Variants in PLCB1 observed in about 807,000 individuals in gnomAD.
The protein encoded by PLCB1 is phospholipase C beta 1.
PLCB1 carries 46 observed loss-of-function variants against 161.8 expected under a neutral mutation model. The observed-to-expected ratio is 0.28, with a 90% CI of 0.22 to 0.36. PLCB1 has a LOEUF of 0.36. PLCB1 is among the 10% of genes least tolerant of loss of function. The pLI is 1.00. For synonymous variants in PLCB1, 517 were observed against 503.7 expected, an observed-to-expected ratio of 1.03 and a Z score of -0.35; for missense variants, 1,016 against 1,472.5, an observed-to-expected ratio of 0.69 and a Z score of 5.07.
At chr20:8,792,156 CAAAGG>C (rs753677916) in intron 31 of PLCB1, 14 of 163,212 alleles carry the variant, frequency 8.6e-5, no homozygotes, top group Non-Finnish European at 1.6e-4. Flanking sequence ...TGAAACCACT[CAAAGG>C]ACGTGCAGCA....
chr20:8,635,939 A>G (rs192455926), intron 4 of PLCB1, among the ~76,000 whole-genome samples: 105 of 152,328 alleles, frequency 6.9e-4, no homozygotes, highest in African/African-American at 2.4e-3. Context: ...TTCTGGGAAC[A>G]TATGCATTGA....
intron 2 of PLCB1, among the ~76,000 whole-genome samples, chr20:8,350,411 G>A (rs893354231): frequency 6.6e-6 from 1 of 152,158 alleles, no homozygotes; most frequent in African/African-American, 2.4e-5. Flanking sequence ...TCCCTGTAAA[G>A]GACATGATCT....
At chr20:8,509,552 G>C (rs1216226979) in intron 3 of PLCB1, among the ~76,000 whole-genome samples, 1 of 152,178 alleles carries the variant, frequency 6.6e-6, no homozygotes, top group East Asian at 1.9e-4. Flanking sequence ...GGTAAAGAGA[G>C]AGTGGATATT....
intron 3 of PLCB1, among the ~76,000 whole-genome samples, chr20:8,439,813 A>G (rs965908993): frequency 1.3e-5 from 2 of 151,672 alleles, no homozygotes; most frequent in African/African-American, 4.9e-5. Context: ...TTTTATAGGC[A>G]TAGAAAATGC....
intron 3 of PLCB1, among the ~76,000 whole-genome samples, chr20:8,383,777 T>A (rs929050455): frequency 9.2e-5 from 14 of 152,240 alleles, no homozygotes; most frequent in African/African-American, 3.1e-4. Flanking sequence ...CCTTCGCTTA[T>A]GAAGCTTAGT....
At chr20:8,182,717 A>T (rs1339511061) in intron 2 of PLCB1, among the ~76,000 whole-genome samples, 1 of 151,292 alleles carries the variant, frequency 6.6e-6, no homozygotes, top group African/African-American at 2.4e-5. Flanking sequence ...TGTAGCTGGG[A>T]TTACAGGCGC....
At chr20:8,319,272 T>C (rs1984795433) in intron 2 of PLCB1, among the ~76,000 whole-genome samples, 2 of 152,124 alleles carry the variant, frequency 1.3e-5, no homozygotes, top group African/African-American at 4.8e-5. Context: ...AGCTCATGTA[T>C]CTGTAGGTTG....
At chr20:8,710,169 G>A (rs539582023) in intron 12 of PLCB1, among the ~76,000 whole-genome samples, 9 of 97,414 alleles carry the variant, frequency 9.2e-5, no homozygotes, top group African/African-American at 3.5e-4. Context: ...ATCTGCTCCT[G>A]GGGAGTCCTC....
intron 23 of PLCB1, among the ~76,000 whole-genome samples, chr20:8,745,293 A>T (rs956870252): frequency 2.6e-5 from 4 of 152,166 alleles, no homozygotes; most frequent in African/African-American, 9.7e-5. Flanking sequence ...ATGCCACTGA[A>T]AATAAGTAAC....
At chr20:8,171,457 G>T (rs1673420690) in intron 2 of PLCB1, among the ~76,000 whole-genome samples, 1 of 152,030 alleles carries the variant, frequency 6.6e-6, no homozygotes, top group Non-Finnish European at 1.5e-5. Flanking sequence ...TTCTTTTGTA[G>T]TAGAGGATGG....
At chr20:8,403,755 T>C (rs7270769) in intron 3 of PLCB1, among the ~76,000 whole-genome samples, 2,747 of 152,244 alleles carry the variant, frequency 0.018, 92 homozygotes, top group African/African-American at 0.063. Flanking sequence ...GAAATGGCCA[T>C]TGCATTCCTC....
chr20:8,346,993 T>A (rs1600332575), intron 2 of PLCB1, among the ~76,000 whole-genome samples: 1 of 152,124 alleles, frequency 6.6e-6, no homozygotes, highest in African/African-American at 2.4e-5. Flanking sequence ...TTAAAGCATT[T>A]ATGGAGTGGA....
intron 1 of PLCB1, among the ~76,000 whole-genome samples, chr20:8,145,706 C>A (rs2123023646): frequency 6.6e-6 from 1 of 152,248 alleles, no homozygotes; most frequent in East Asian, 1.9e-4. Context: ...TTTGGAGTTG[C>A]CCTGCCTAAC....
chr20:8,655,313 C>T (rs146383760), intron 7 of PLCB1, among the ~76,000 whole-genome samples: 3 of 152,210 alleles, frequency 2.0e-5, no homozygotes, highest in African/African-American at 7.2e-5. Context: ...TAAATTACAT[C>T]CATTCATTTA....
At chr20:8,618,308 A>C (rs779518411) in intron 3 of PLCB1, among the ~76,000 whole-genome samples, 6 of 152,174 alleles carry the variant, frequency 3.9e-5, no homozygotes, top group Non-Finnish European at 7.4e-5. Context: ...GCTTTTTTGT[A>C]AAATTTTTTT....
chr20:8,778,539 A>G (rs1983054840), intron 27 of PLCB1, among the ~76,000 whole-genome samples: 2 of 152,178 alleles, frequency 1.3e-5, no homozygotes, highest in African/African-American at 2.4e-5. Flanking sequence ...CAACTCTACC[A>G]TATGTCCTTC....
chr20:8,514,458 A>AG (rs1484901910), intron 3 of PLCB1, among the ~76,000 whole-genome samples: 14 of 150,196 alleles, frequency 9.3e-5, no homozygotes, highest in African/African-American at 3.4e-4. Flanking sequence ...AAAAAAAAAA[A>AG]AAAAGGAAAA....
chr20:8,219,344 G>A (rs747430130), intron 2 of PLCB1, among the ~76,000 whole-genome samples: 5 of 152,096 alleles, frequency 3.3e-5, no homozygotes, highest in African/African-American at 4.8e-5. Flanking sequence ...TTTCTTATAC[G>A]TATTTGTTAG....
chr20:8,740,441 A>C lies in PLCB1; in HGVS notation c.2406A>C (p.Thr802=). ...YIEVKDYVPD[T]YADVIEALSN... ...AAGTGAAAGACTATGTGCCAGACAC[A>C]TATGCAGGTAAACAACTTAACTCAA... is the stretch of plus-strand genomic sequence containing the variant. The change falls in exon 22 of 32, where the codon ACA becomes ACC. Residue 802 remains threonine, a synonymous_variant. Transcript: ENST00000338037. 1 of 1,558,276 alleles carries C rather than the reference A, an allele frequency of 6.4e-7. No individual in the cohort carries two copies. The highest frequency in any genetic ancestry group is 8.7e-7 in the Non-Finnish European group (1 of 1,147,608).
Sources: allele counts gnomAD v4.1 joint callset (sites outside exome capture counted in the v4.1 genomes callset), GRCh38; gene constraint gnomAD v4.1.1; transcripts MANE v1.5; gene names NCBI Gene and HGNC (gene_info 2026-07-23, HGNC 2026-07-21).